Variants in NLGN1 observed in about 807,000 individuals in gnomAD.
The protein encoded by NLGN1 is neuroligin-1.
NLGN1 carries 12 observed loss-of-function variants against 65.5 expected under a neutral mutation model. The observed-to-expected ratio is 0.18, with a 90% CI of 0.12 to 0.30. NLGN1 has a LOEUF of 0.30. NLGN1 is among the 10% of genes least tolerant of loss of function. The pLI, the probability that NLGN1 is intolerant of heterozygous loss-of-function variation, is 1.00. For missense variants in NLGN1, 750 were observed against 1,007.1 expected (o/e 0.74, Z 3.46); for synonymous variants, 350 against 359.5 (o/e 0.97, Z 0.30).
chr3:174,220,053 G>T (rs1262733626), intron 4 of NLGN1, among the ~76,000 whole-genome samples: 1 of 150,342 alleles, frequency 6.7e-6, no homozygotes, highest in Non-Finnish European at 1.5e-5. Flanking sequence ...TGGCAATCAG[G>T]ACAAAAGTGT....
chr3:173,610,306 C>T (rs9875275), intron 3 of NLGN1, among the ~76,000 whole-genome samples: 2 of 151,812 alleles, frequency 1.3e-5, no homozygotes, highest in Non-Finnish European at 2.9e-5. Context: ...AGAAGGGTTA[C>T]GGGAGAAGCA....
intron 4 of NLGN1, among the ~76,000 whole-genome samples, chr3:174,146,477 G>T (rs1577087603): frequency 6.6e-6 from 1 of 151,698 alleles, no homozygotes; most frequent in Non-Finnish European, 1.5e-5. Flanking sequence ...ATCAGCAAAC[G>T]TGTTTTTAGT....
At chr3:174,211,198 G>C (rs1308177352) in intron 4 of NLGN1, among the ~76,000 whole-genome samples, 1 of 152,208 alleles carries the variant, frequency 6.6e-6, no homozygotes, top group African/African-American at 2.4e-5. Flanking sequence ...AAAGAACAAA[G>C]CTTCCGCAGT....
At chr3:174,262,655 G>T (rs201896365) in intron 4 of NLGN1, among the ~76,000 whole-genome samples, 28 of 151,322 alleles carry the variant, frequency 1.9e-4, no homozygotes, top group African/African-American at 5.8e-4. Flanking sequence ...TCATTAATTT[G>T]TTGAAGGGTT....
intron 4 of NLGN1, among the ~76,000 whole-genome samples, chr3:174,114,880 A>G (rs1198681503): frequency 6.6e-6 from 1 of 152,122 alleles, no homozygotes; most frequent in African/African-American, 2.4e-5. Flanking sequence ...AAATTCCTTA[A>G]TCTCAAAATT....
At chr3:173,856,653 G>A (rs16831148) in intron 4 of NLGN1, among the ~76,000 whole-genome samples, 3,158 of 152,148 alleles carry the variant, frequency 0.021, 88 homozygotes, top group Middle Eastern at 0.065. Context: ...CTGGGAAAAC[G>A]GAAAGGTTGA....
intron 4 of NLGN1, among the ~76,000 whole-genome samples, chr3:174,168,967 G>A (rs1728042721): frequency 6.6e-6 from 1 of 152,180 alleles, no homozygotes; most frequent in South Asian, 2.1e-4. Context: ...CTGACTGAGT[G>A]TGGAACAGGG....
chr3:173,805,120 T>G (rs552204430), intron 3 of NLGN1, among the ~76,000 whole-genome samples: 11 of 152,288 alleles, frequency 7.2e-5, no homozygotes, highest in African/African-American at 2.6e-4. Context: ...ACAGAAAATA[T>G]CCAAAGTTTC....
chr3:173,678,744 T>C (rs1763522429), intron 3 of NLGN1, among the ~76,000 whole-genome samples: 1 of 152,088 alleles, frequency 6.6e-6, no homozygotes, highest in Non-Finnish European at 1.5e-5. Flanking sequence ...ATGATTACCC[T>C]GCCAACAACA....
chr3:173,463,027 A>T (rs1300366312), intron 2 of NLGN1, among the ~76,000 whole-genome samples: 2 of 152,094 alleles, frequency 1.3e-5, no homozygotes, highest in East Asian at 3.9e-4. Flanking sequence ...ATTGCTTTAT[A>T]TAGGAGAGGC....
chr3:174,154,510 C>T (rs1003836415), intron 4 of NLGN1, among the ~76,000 whole-genome samples: 9 of 151,902 alleles, frequency 5.9e-5, no homozygotes, highest in African/African-American at 1.2e-4. Context: ...TTTACTGAAC[C>T]GGAAAGTGTA....
At chr3:174,152,174 A>T (rs1476021898) in intron 4 of NLGN1, among the ~76,000 whole-genome samples, 1 of 152,146 alleles carries the variant, frequency 6.6e-6, no homozygotes, top group Non-Finnish European at 1.5e-5. Context: ...AGAGAAGTAG[A>T]GCTAAACTTT....
At chr3:173,899,949 A>T (rs1579070606) in intron 4 of NLGN1, among the ~76,000 whole-genome samples, 2 of 152,152 alleles carry the variant, frequency 1.3e-5, no homozygotes, top group Admixed American at 1.3e-4. Context: ...GAAATAAATG[A>T]TGCATATGCA....
chr3:173,755,907 T>C (rs1262433167), intron 3 of NLGN1, among the ~76,000 whole-genome samples: 1 of 152,156 alleles, frequency 6.6e-6, no homozygotes, highest in African/African-American at 2.4e-5. Flanking sequence ...ATGCTGCTTC[T>C]ATAACTAATG....
chr3:173,918,682 GTGTGTGTGTGTGTGTGTGTGTA>G (rs1464022668), intron 4 of NLGN1, among the ~76,000 whole-genome samples: 14 of 132,092 alleles, frequency 1.1e-4, no homozygotes, highest in African/African-American at 1.5e-4. Flanking sequence ...GTGTGTGTGT[GTGTGTGTGTGTGTGTGTGTGTA>G]TATATATATA....
intron 2 of NLGN1, among the ~76,000 whole-genome samples, chr3:173,444,584 T>A (rs1719825904): frequency 6.6e-6 from 1 of 152,208 alleles, no homozygotes; most frequent in African/African-American, 2.4e-5. Flanking sequence ...TATTTTACTT[T>A]ATTTAATTTG....
At chr3:173,955,773 CT>C (rs1387840212) in intron 4 of NLGN1, among the ~76,000 whole-genome samples, 1 of 152,044 alleles carries the variant, frequency 6.6e-6, no homozygotes, top group Non-Finnish European at 1.5e-5. Context: ...ATTGTTTCTT[CT>C]TTAACTGCCA....
At chr3:173,912,587 T>C (rs950196909) in intron 4 of NLGN1, 1 of 152,126 alleles carries the variant, frequency 6.6e-6, no homozygotes, top group Non-Finnish European at 1.5e-5. Context: ...CAGTATCATC[T>C]CTAAAAACAT....
At chr3:174,169,200 G>A (rs765518898) in intron 4 of NLGN1, among the ~76,000 whole-genome samples, 2 of 152,066 alleles carry the variant, frequency 1.3e-5, no homozygotes, top group East Asian at 1.9e-4. Flanking sequence ...AGCAGAGAGG[G>A]TACTCCTGCA....
Sources: gnomAD v4.1 joint callset for allele counts (sites outside exome capture counted in the v4.1 genomes callset) on GRCh38, gnomAD v4.1.1 for gene constraint, MANE v1.5 for transcripts, NCBI Gene and HGNC (gene_info 2026-07-23, HGNC 2026-07-21) for gene names.